COPS2: variants seen among roughly 807,000 people sequenced by gnomAD.
The protein encoded by COPS2 is COP9 signalosome subunit 2, also known as COP9 signalosome complex subunit 2.
Under a neutral mutation model 66.1 loss-of-function variants are expected in COPS2, and 10 were observed. That is an observed-to-expected ratio of 0.15 (90% CI 0.09 to 0.26). The LOEUF (loss-of-function observed/expected upper bound fraction) is 0.26. Among genes scored for constraint, COPS2 ranks in the 10% least tolerant of loss-of-function variants. The probability of loss-of-function intolerance (pLI) is 1.00; values close to 1 mark genes in which losing one functional copy is unlikely to be tolerated. For missense variants in COPS2, 215 were observed against 513.3 expected (o/e 0.42, Z 5.62); for synonymous variants, 179 against 171.3 (o/e 1.04, Z -0.35).
chr15:49,139,017 CTTCTT>C (rs1227298268), intron 4 of COPS2, among the ~76,000 whole-genome samples: 1 of 152,108 alleles, frequency 6.6e-6, no homozygotes, highest in Non-Finnish European at 1.5e-5. Flanking sequence ...CTCCCAATAC[CTTCTT>C]TAGTTTCTTT....
intron 9 of COPS2, among the ~76,000 whole-genome samples, chr15:49,132,326 C>T (rs1187667980): frequency 2.7e-5 from 4 of 150,628 alleles, no homozygotes; most frequent in African/African-American, 7.3e-5. Context: ...TAATTCCAAA[C>T]TGTTCTTAGT....
chr15:49,141,713 G>A (rs771605844), intron 3 of COPS2, among the ~76,000 whole-genome samples: 1 of 152,054 alleles, frequency 6.6e-6, no homozygotes, highest in African/African-American at 2.4e-5. Context: ...AAAACGAGAG[G>A]GGCAGGTACA....
intron 2 of COPS2, 123 bp downstream of exon 2, chr15:49,144,842 C>T: frequency 1.8e-6 from 1 of 571,266 alleles, no homozygotes; most frequent in South Asian, 2.6e-5. Flanking sequence ...CTGCCTAATG[C>T]TAACTGATAG....
intron 1 of COPS2, among the ~76,000 whole-genome samples, chr15:49,151,882 G>C (rs1228021930): frequency 4.0e-5 from 6 of 149,624 alleles, no homozygotes; most frequent in Non-Finnish European, 8.9e-5. Context: ...TACTTTCTTG[G>C]GTAAAAACAG....
chr15:49,134,989 A>G (rs960489375), intron 6 of COPS2, among the ~76,000 whole-genome samples: 8 of 152,230 alleles, frequency 5.3e-5, no homozygotes, highest in African/African-American at 1.9e-4. Context: ...TAACAACGTT[A>G]AGTGAAAACT....
At chr15:49,140,291 G>C (rs1028866815) in intron 3 of COPS2, among the ~76,000 whole-genome samples, 1 of 151,930 alleles carries the variant, frequency 6.6e-6, no homozygotes, top group Non-Finnish European at 1.5e-5. Context: ...CACTGCACTC[G>C]GCCAAAATCC....
intron 1 of COPS2, among the ~76,000 whole-genome samples, chr15:49,150,304 A>T (rs1418958600): frequency 4.6e-5 from 7 of 151,866 alleles, no homozygotes; most frequent in African/African-American, 1.7e-4. Context: ...AAAACCATTG[A>T]TAATTTATTT....
intron 1 of COPS2, among the ~76,000 whole-genome samples, chr15:49,148,262 G>T (rs985802418): frequency 1.3e-5 from 2 of 151,892 alleles, no homozygotes; most frequent in Non-Finnish European, 2.9e-5. Flanking sequence ...GGTATTCATG[G>T]TCTATTAAGG....
At chr15:49,129,633 C>T (rs2084194636) in intron 10 of COPS2, 74 bp from the exon 11 acceptor site, 4 of 628,736 alleles carry the variant, frequency 6.4e-6, no homozygotes, top group African/African-American at 1.9e-5. Context: ...TTATGTACTC[C>T]TAATTATCTT....
intron 1 of COPS2, among the ~76,000 whole-genome samples, chr15:49,150,273 TAAAA>T (rs1409104884): frequency 5.3e-5 from 8 of 149,788 alleles, no homozygotes; most frequent in African/African-American, 1.2e-4. Flanking sequence ...TAAATAAAAA[TAAAA>T]AAATAAATAA....
intron 9 of COPS2, among the ~76,000 whole-genome samples, chr15:49,133,147 C>G (rs1323951043): frequency 6.6e-6 from 1 of 152,110 alleles, no homozygotes; most frequent in Non-Finnish European, 1.5e-5. Context: ...TGCCACCACG[C>G]CCGGCTAATT....
chr15:49,140,026 T>G (rs2141128496), intron 3 of COPS2, among the ~76,000 whole-genome samples: 1 of 152,240 alleles, frequency 6.6e-6, no homozygotes, highest in South Asian at 2.1e-4. Flanking sequence ...TCACTCTTGT[T>G]GCCCAGGCTG....
intron 4 of COPS2, chr15:49,139,170 T>C (rs1347246444): frequency 6.1e-6 from 1 of 162,750 alleles, no homozygotes; most frequent in Non-Finnish European, 1.3e-5. Flanking sequence ...TCCACACAAA[T>C]AACCTGTGAT....
Position 49,133,788 on chromosome 15 carries a change from T to C in COPS2, c.918A>G (p.Pro306=). 1.9e-6 allele frequency: 3 copies of C among 1,603,252 alleles called. No individual in the cohort carries two copies. The highest frequency in any genetic ancestry group is 2.6e-6 in the Non-Finnish European group (3 of 1,176,312). ...SQEAKPYKND[P]EILAMTNLVS... ...CTAAATTCGTCATTGCTAAAATTTC[T>C]GGATCATTTTTGTACGGCTTGGCCT... The change falls in exon 9 of 13, where the codon CCA becomes CCG. Residue 306 remains proline, a synonymous_variant. Transcript: ENST00000388901.
At chr15:49,140,337 A>T (rs912630512) in intron 3 of COPS2, among the ~76,000 whole-genome samples, 4 of 152,088 alleles carry the variant, frequency 2.6e-5, no homozygotes, top group Non-Finnish European at 5.9e-5. Flanking sequence ...GCTATGCAGG[A>T]TATTAGCTAT....
chr15:49,148,293 CGTAATATAAT>C (rs1273032963), intron 1 of COPS2, among the ~76,000 whole-genome samples: 3 of 150,272 alleles, frequency 2.0e-5, no homozygotes, highest in Admixed American at 2.0e-4. Context: ...CAAACAAAAC[CGTAATATAAT>C]ATAATATAAT....
At chr15:49,149,883 G>A (rs2084346501) in intron 1 of COPS2, among the ~76,000 whole-genome samples, 1 of 152,032 alleles carries the variant, frequency 6.6e-6, no homozygotes. Context: ...TCAAATCCTA[G>A]GTAGCCATTT....
intron 4 of COPS2, among the ~76,000 whole-genome samples, chr15:49,139,022 T>C (rs1298119283): frequency 6.6e-6 from 1 of 152,212 alleles, no homozygotes; most frequent in African/African-American, 2.4e-5. Flanking sequence ...AATACCTTCT[T>C]TAGTTTCTTT....
At chr15:49,140,692 T>C (rs2084284466) in intron 3 of COPS2, among the ~76,000 whole-genome samples, 1 of 152,144 alleles carries the variant, frequency 6.6e-6, no homozygotes, top group South Asian at 2.1e-4. Context: ...ATAACCTGCA[T>C]CCACAATCCT....
Sources: gnomAD v4.1 joint callset for allele counts (sites outside exome capture counted in the v4.1 genomes callset) on GRCh38, gnomAD v4.1.1 for gene constraint, MANE v1.5 for transcripts, NCBI Gene and HGNC (gene_info 2026-07-23, HGNC 2026-07-21) for gene names.